Variants in C1orf21 observed in about 807,000 individuals in gnomAD.
The protein encoded by C1orf21 is chromosome 1 open reading frame 21, also known as uncharacterized protein C1orf21.
A neutral mutation model predicts 18.7 loss-of-function variants in C1orf21; 3 were observed. The observed-to-expected ratio is 0.16, with a 90% CI of 0.07 to 0.42. C1orf21 has a LOEUF of 0.42. Among genes scored for constraint, C1orf21 ranks in the 10% least tolerant of loss-of-function variants. The probability of loss-of-function intolerance (pLI) is 0.99; values close to 1 mark genes in which losing one functional copy is unlikely to be tolerated. For missense variants in C1orf21, 104 were observed against 143.6 expected (o/e 0.72, Z 1.41); for synonymous variants, 41 against 46.4 (o/e 0.88, Z 0.47).
chr1:184,512,236 G>C (rs1358421776), intron 3 of C1orf21, among the ~76,000 whole-genome samples: 1 of 152,202 alleles, frequency 6.6e-6, no homozygotes. Flanking sequence ...GTTCTTTATA[G>C]TACTTAACAC....
At chr1:184,448,767 AAG>A (rs1234224526) in intron 1 of C1orf21, among the ~76,000 whole-genome samples, 2 of 152,134 alleles carry the variant, frequency 1.3e-5, no homozygotes, top group Non-Finnish European at 2.9e-5. Flanking sequence ...GAAAGGTGTG[AAG>A]AGAGTGGTTG....
chr1:184,415,786 C>T (rs575573761), intron 1 of C1orf21, among the ~76,000 whole-genome samples: 2 of 152,138 alleles, frequency 1.3e-5, no homozygotes, highest in African/African-American at 4.8e-5. Context: ...ATGTGCAAAT[C>T]GAAGATTTTG....
chr1:184,510,490 T>A (rs1249139415), intron 3 of C1orf21, among the ~76,000 whole-genome samples: 1 of 152,190 alleles, frequency 6.6e-6, no homozygotes, highest in Non-Finnish European at 1.5e-5. Context: ...ACTCGTCTAT[T>A]GGGGCATCAG....
Position 184,619,577 on chromosome 1 carries a change from C to T in C1orf21, c.*21C>T, listed in dbSNP as rs1394780618. ...CATAGCACCAATTTTACCACTCAAACCAGGAGCTACTACTGTGTAAATAGG... is the reference window on the plus strand; with the variant it reads ...CATAGCACCAATTTTACCACTCAAATCAGGAGCTACTACTGTGTAAATAGG... On this transcript the variant is annotated 3_prime_UTR_variant, in exon 6 of 6. Coordinates refer to ENST00000235307, the MANE Select transcript of C1orf21 (RefSeq NM_030806.4). The T allele has an allele frequency of 2.5e-6, 4 of 1,611,526 alleles. No homozygotes were observed. Among genetic ancestry groups the T allele is most frequent in the African/African-American group, 2.7e-5 (2 of 74,820 alleles).
At chr1:184,477,655 TTTTTTTA>T in intron 2 of C1orf21, 52 bp downstream of exon 2, 1 of 1,415,522 alleles carries the variant, frequency 7.1e-7, no homozygotes. Flanking sequence ...GCCTTTCACT[TTTTTTTA>T]TTGATACATA....
At chr1:184,585,672 C>T (rs374922293) in intron 3 of C1orf21, among the ~76,000 whole-genome samples, 4 of 152,250 alleles carry the variant, frequency 2.6e-5, no homozygotes, top group South Asian at 4.2e-4. Context: ...TCTATGTGTC[C>T]ATGTCTTCTC....
At chr1:184,397,755 C>G (rs1656084451) in intron 1 of C1orf21, among the ~76,000 whole-genome samples, 1 of 152,060 alleles carries the variant, frequency 6.6e-6, no homozygotes, top group African/African-American at 2.4e-5. Flanking sequence ...AAATTTGGAG[C>G]CATGGTTTGG....
chr1:184,577,931 G>T (rs182380867), intron 3 of C1orf21, among the ~76,000 whole-genome samples: 3 of 142,654 alleles, frequency 2.1e-5, no homozygotes, highest in Non-Finnish European at 4.6e-5. Flanking sequence ...TTCTTTGTCC[G>T]TTTGTTTTTT....
At chr1:184,567,806 C>G (rs996178876) in intron 3 of C1orf21, 6 of 233,812 alleles carry the variant, frequency 2.6e-5, no homozygotes, top group Admixed American at 1.0e-4. Context: ...TCAAGGCCCT[C>G]CGCATACTAG....
chr1:184,600,807 T>C (rs993272596), intron 5 of C1orf21, among the ~76,000 whole-genome samples: 5 of 152,238 alleles, frequency 3.3e-5, no homozygotes, highest in African/African-American at 1.2e-4. Context: ...CTCTGAGCCA[T>C]GCTTTCCTGC....
chr1:184,587,343 T>C (rs1659369800), intron 3 of C1orf21, among the ~76,000 whole-genome samples: 1 of 150,870 alleles, frequency 6.6e-6, no homozygotes, highest in Non-Finnish European at 1.5e-5. Flanking sequence ...GGTAGTTTAA[T>C]AGAAATAGCA....
At chr1:184,401,706 T>C (rs1480988885) in intron 1 of C1orf21, among the ~76,000 whole-genome samples, 1 of 151,798 alleles carries the variant, frequency 6.6e-6, no homozygotes, top group African/African-American at 2.4e-5. Context: ...AAAATTTCCT[T>C]ACATCCAGGT....
chr1:184,491,627 C>T (rs972185891), intron 2 of C1orf21, among the ~76,000 whole-genome samples: 16 of 152,218 alleles, frequency 1.1e-4, no homozygotes, highest in African/African-American at 3.9e-4. Context: ...GCTGGGATTA[C>T]AGGCATGAGC....
chr1:184,541,773 G>C (rs1161431313), intron 3 of C1orf21, among the ~76,000 whole-genome samples: 1 of 152,166 alleles, frequency 6.6e-6, no homozygotes, highest in Non-Finnish European at 1.5e-5. Flanking sequence ...TTTTGGGAAA[G>C]GTGTGCCAAC....
intron 1 of C1orf21, among the ~76,000 whole-genome samples, chr1:184,408,829 G>C (rs1236069117): frequency 1.3e-5 from 2 of 152,100 alleles, no homozygotes; most frequent in Non-Finnish European, 1.5e-5. Flanking sequence ...AGGTTTCACC[G>C]CCTTTTCTCC....
At chr1:184,536,055 A>G (rs1658545840) in intron 3 of C1orf21, among the ~76,000 whole-genome samples, 1 of 152,212 alleles carries the variant, frequency 6.6e-6, no homozygotes, top group Non-Finnish European at 1.5e-5. Flanking sequence ...CAGAAAGAAG[A>G]TTTTAATCTC....
At chr1:184,516,315 T>C (rs1557991749) in intron 3 of C1orf21, among the ~76,000 whole-genome samples, 1 of 152,164 alleles carries the variant, frequency 6.6e-6, no homozygotes, top group Non-Finnish European at 1.5e-5. Flanking sequence ...CAAAACAGGG[T>C]GTTTTAATAT....
chr1:184,399,457 G>T (rs1656115156), intron 1 of C1orf21, among the ~76,000 whole-genome samples: 1 of 150,798 alleles, frequency 6.6e-6, no homozygotes, highest in Non-Finnish European at 1.5e-5. Context: ...CTGCCTCCTG[G>T]GCTCAAGCCA....
At position 184,619,583 on chromosome 1, in the gene C1orf21, G is replaced by T; in HGVS notation, c.*27G>T. 6.2e-7 allele frequency: 1 copy of T among 1,610,028 alleles called. No homozygotes were observed. Among genetic ancestry groups the T allele is most frequent in the South Asian group, 1.1e-5 (1 of 90,694 alleles). On this transcript the variant is annotated 3_prime_UTR_variant, in exon 6 of 6. Transcript: ENST00000235307. ...ACCAATTTTACCACTCAAACCAGGA[G>T]CTACTACTGTGTAAATAGGTTACAC...
Sources: allele counts gnomAD v4.1 joint callset (sites outside exome capture counted in the v4.1 genomes callset), GRCh38; gene constraint gnomAD v4.1.1; transcripts MANE v1.5; gene names NCBI Gene and HGNC (gene_info 2026-07-23, HGNC 2026-07-21).